Variants in COL17A1 observed in about 807,000 individuals in gnomAD.
The protein encoded by COL17A1 is collagen type XVII alpha 1 chain.
In COL17A1, 181 loss-of-function variants were observed where a neutral mutation model predicts 218.4. The observed-to-expected ratio is 0.83, with a 90% CI of 0.73 to 0.94. The LOEUF (loss-of-function observed/expected upper bound fraction) is 0.94, where lower values mean the gene tolerates loss of function less well. Among genes scored for constraint, COL17A1 ranks in the 40% least tolerant of loss-of-function variants. The pLI, the probability that COL17A1 is intolerant of heterozygous loss-of-function variation, is 0.00. For synonymous variants in COL17A1, 721 were observed against 731.0 expected, an observed-to-expected ratio of 0.99 and a Z score of 0.22; for missense variants, 1,924 against 1,945.9, an observed-to-expected ratio of 0.99 and a Z score of 0.21.
intron 19 of COL17A1, 129 bp from the exon 20 acceptor site, chr10:104,055,136 C>G (rs2086507909): frequency 6.6e-7 from 1 of 1,518,604 alleles, no homozygotes; most frequent in African/African-American, 1.4e-5. Context: ...GCGGCGAGTC[C>G]CTCCCAGTCC....
rs759972134 is a variant in COL17A1, at chr10:104,045,748, A to G, written c.2398+10T>C. On this transcript the variant is annotated intron_variant, in intron 33 of 55. Transcript: ENST00000648076. ...GAAAAGAAAGAAATCTCATTTGGAA[A>G]TTCACTTACCTTTTATTCCTGGTCG... 8.7e-6 allele frequency: 14 copies of G among 1,608,116 alleles called. No homozygotes were observed. In the East Asian group the frequency reaches 1.6e-4, roughly 18 times the overall value.
chr10:104,052,678 C>T (rs2086481774), intron 23 of COL17A1, among the ~76,000 whole-genome samples: 1 of 152,158 alleles, frequency 6.6e-6, no homozygotes, highest in Non-Finnish European at 1.5e-5. Flanking sequence ...GCTCAAAGGT[C>T]TGTGCCCCAC....
chr10:104,079,082 C>G (rs7912052), intron 2 of COL17A1, among the ~76,000 whole-genome samples: 1 of 152,176 alleles, frequency 6.6e-6, no homozygotes, highest in Non-Finnish European at 1.5e-5. Flanking sequence ...TTCAGGGCAA[C>G]CCCTGAATGT....
intron 41 of COL17A1, 69 bp downstream of exon 41, chr10:104,039,904 T>C (rs2086341099): frequency 6.3e-7 from 1 of 1,598,788 alleles, no homozygotes; most frequent in Non-Finnish European, 8.6e-7. Flanking sequence ...AGCTCAAAGC[T>C]CTTGGGAGGT....
chr10:104,074,222 C>T lies in COL17A1; in HGVS notation c.341G>A (p.Ser114Asn), dbSNP rs372557455. ...VTRHAYEGSS[S>N]GNSSPEYPRK... ...AGGGTACTCCGGAGAAGAGTTGCCA[C>T]TGGAGCTCCCTGGAGAGGGGATGAA... Residue 114 changes from serine to asparagine, a missense_variant, in exon 6 of 56, where the codon AGT becomes AAT. Ser to Asn is a conservative substitution (Grantham distance 46). Transcript: ENST00000648076. The T allele has an allele frequency of 1.2e-6, 2 of 1,614,218 alleles. No individual in the cohort carries two copies. Among genetic ancestry groups the T allele is most frequent in the African/African-American group, 1.3e-5 (1 of 75,044 alleles).
At chr10:104,049,571 T>G in intron 28 of COL17A1, 100 bp from the exon 29 acceptor site, 2 of 1,301,650 alleles carry the variant, frequency 1.5e-6, no homozygotes, top group Non-Finnish European at 2.2e-6. Context: ...GGAAGCAGCT[T>G]CTGCTTTGAT....
intron 31 of COL17A1, 87 bp downstream of exon 31, chr10:104,047,652 T>G (rs1398456868): frequency 3.6e-6 from 4 of 1,104,000 alleles, no homozygotes; most frequent in Non-Finnish European, 5.5e-6. Context: ...CACCTGCACA[T>G]GCACACGCAC....
In COL17A1 at chr10:104,034,135, A is replaced by G. The variant is rs756532621; in HGVS notation, c.3966T>C (p.Gly1322=). 1.2e-6 allele frequency: 2 copies of G among 1,613,768 alleles called. No homozygotes were observed. The highest frequency in any genetic ancestry group is 2.7e-5 in the African/African-American group (2 of 74,894). Residue 1322 remains glycine (G), a synonymous_variant, in exon 52 of 56, where the codon GGT becomes GGC. Coordinates refer to ENST00000648076, the MANE Select transcript of COL17A1 (RefSeq NM_000494.4). ...CAGCTTCACCAAAGGCACCGCCTGC[A>G]CCCAGGGAGCCTGCACCACCTCCTC... ...STGGGGAGSL[G]AGGAFGEAAG...
At chr10:104,063,866 T>C in intron 10 of COL17A1, 48 bp from the exon 11 acceptor site, 1 of 1,611,680 alleles carries the variant, frequency 6.2e-7, no homozygotes, top group African/African-American at 1.3e-5. Context: ...CTGGCCCAGA[T>C]AGGGATAGAG....
At chr10:104,055,704 C>T in intron 18 of COL17A1, 78 bp downstream of exon 18, 3 of 1,573,246 alleles carry the variant, frequency 1.9e-6, no homozygotes, top group South Asian at 2.2e-5. Flanking sequence ...GTGCTCACAG[C>T]ACATGCACAC....
At chr10:104,037,185 G>A (rs2134575734) in intron 46 of COL17A1, 72 bp from the exon 47 acceptor site, 1 of 1,375,878 alleles carries the variant, frequency 7.3e-7, no homozygotes, top group Non-Finnish European at 1.0e-6. Context: ...TCCAGAATCT[G>A]AAAGGCCCGG....
chr10:104,050,495 G>A, intron 27 of COL17A1, 126 bp downstream of exon 27: 1 of 1,502,820 alleles, frequency 6.7e-7, no homozygotes, highest in Non-Finnish European at 9.2e-7. Flanking sequence ...CTATCTGAGA[G>A]GTTGGATTAG....
intron 8 of COL17A1, 100 bp downstream of exon 8, chr10:104,071,932 G>T: frequency 2.0e-6 from 3 of 1,532,846 alleles, no homozygotes; most frequent in Non-Finnish European, 2.7e-6. Flanking sequence ...ACATGTGTGT[G>T]CATGCATGCA....
chr10:104,074,127 G>T, intron 6 of COL17A1, 57 bp downstream of exon 6: 1 of 1,613,194 alleles, frequency 6.2e-7, no homozygotes. Context: ...ATCTCCCCCA[G>T]GGATTTTCCT....
rs1431707848 is a variant in COL17A1 at position 104,077,478 on chromosome 10, C to G, written c.146G>C (p.Gly49Ala). The change falls in exon 4 of 56, where the codon GGG becomes GCG. Residue 49 changes from glycine (G) to alanine (A), a missense_variant. Transcript: ENST00000648076. ...GYAKTASLGG[G>A]SRLEKQSLTH... The stretch of plus-strand genomic sequence containing the variant: ...CAGGCTTTGTTTCTCCAGCCGGCTC[C>G]CTCCACCAAGAGAGGCTGTTTTAGC... 1 of 1,613,634 alleles carries G rather than the reference C, an allele frequency of 6.2e-7. No individual in the cohort carries two copies. Among genetic ancestry groups the G allele is most frequent in the South Asian group, 1.1e-5 (1 of 90,864 alleles).
intron 4 of COL17A1, 145 bp from the exon 5 acceptor site, chr10:104,076,574 C>T: frequency 9.4e-7 from 1 of 1,066,846 alleles, no homozygotes; most frequent in Non-Finnish European, 1.4e-6. Context: ...CAGCATTCCC[C>T]CAGCTGTTCA....
At chr10:104,041,566 C>T (rs1239811576) in intron 36 of COL17A1, 28 bp from the exon 37 acceptor site, 2 of 1,597,856 alleles carry the variant, frequency 1.3e-6, no homozygotes, top group Admixed American at 1.7e-5. Context: ...TAGAAATGAG[C>T]AAAAGCTGTC....
rs903005470 is a variant in COL17A1 at position 104,065,080 on chromosome 10, C to G, written c.608-484G>C. On this transcript the variant is annotated intron_variant, in intron 9 of 55. Coordinates refer to ENST00000648076, the MANE Select transcript of COL17A1 (RefSeq NM_000494.4). ...CAGGGGAGTCCTTGGTCTGGGGCCACACTGCATGCCTGGCAGCCTTCTCTG... is the reference window on the plus strand; with the variant it reads ...CAGGGGAGTCCTTGGTCTGGGGCCAGACTGCATGCCTGGCAGCCTTCTCTG... 1.1e-4 allele frequency among the ~76,000 whole-genome samples: 17 copies of G among 152,336 alleles called. No individual in the cohort carries two copies. In the East Asian group the frequency reaches 3.1e-3, roughly 28 times the overall value.
At chr10:104,058,031 G>A in intron 16 of COL17A1, 115 bp downstream of exon 16, 1 of 1,469,994 alleles carries the variant, frequency 6.8e-7, no homozygotes, top group Non-Finnish European at 9.4e-7. Context: ...ACTCTTTAGA[G>A]TCTGGTGGCT....
Sources: allele counts gnomAD v4.1 joint callset (sites outside exome capture counted in the v4.1 genomes callset), GRCh38; gene constraint gnomAD v4.1.1; transcripts MANE v1.5; gene names NCBI Gene and HGNC (gene_info 2026-07-23, HGNC 2026-07-21).